SLC16A6: variants seen among roughly 807,000 people sequenced by gnomAD.
SLC16A6 encodes solute carrier family 16 member 6.
In SLC16A6, 15 loss-of-function variants were observed where a neutral mutation model predicts 33.8. The observed-to-expected ratio is 0.44, with a 90% CI of 0.30 to 0.68. SLC16A6 has a LOEUF of 0.68. SLC16A6 is among the 30% of genes least tolerant of loss of function. The pLI is 0.10. For missense variants in SLC16A6, 451 were observed against 661.5 expected (o/e 0.68, Z 3.49); for synonymous variants, 219 against 248.4 (o/e 0.88, Z 1.11).
chr17:68,269,363 C>T lies in SLC16A6; in HGVS notation c.1322-17G>A, dbSNP rs782565384. 2.8e-6 allele frequency: 3 copies of T among 1,053,282 alleles called. No individual in the cohort carries two copies. Among genetic ancestry groups the T allele is most frequent in the South Asian group, 1.6e-5 (1 of 60,924 alleles). The allele number at this position is 1,053,282 out of a possible 1,614,324, so 65.2% of individuals were successfully genotyped here. ...CCAACAAACCTGGAAGAGAGCATGG[C>T]GTCCGTTAACAGCATCCTTCCTAGA... On this transcript the variant is annotated splice_polypyrimidine_tract_variant and intron_variant, in intron 5 of 5. Transcript: ENST00000580666.
rs781954164 is a variant in SLC16A6 at position 68,271,694 on chromosome 17, A to G, written c.506-40T>C. On this transcript the variant is annotated intron_variant, in intron 4 of 5. Coordinates refer to ENST00000580666, the MANE Select transcript of SLC16A6 (RefSeq NM_004694.5). This position sits in a 1 kb window ranked among gnomAD's most constrained non-coding sequence, Gnocchi z 5.3. ...AGTGAAGAAGAAATAATATAAGGTC[A>G]ATAATGGACTCAAGACCCAGGAGAA... 7.2e-6 allele frequency: 11 copies of G among 1,527,864 alleles called. 1 individual carries two copies. In the South Asian group the frequency reaches 1.3e-4, roughly 18 times the overall value. 94.6% of individuals were successfully genotyped at this position (1,527,864 alleles called of 1,614,324 possible).
chr17:68,288,983 G>T (rs1555755004), intron 1 of SLC16A6, among the ~76,000 whole-genome samples: 1 of 152,174 alleles, frequency 6.6e-6, no homozygotes, highest in Non-Finnish European at 1.5e-5. Context: ...TCTGGAGGAA[G>T]TACAATGACA....
At position 68,272,701 on chromosome 17, in the gene SLC16A6, C is replaced by T. The variant is rs782295405; in HGVS notation, c.443G>A (p.Arg148His). Residue 148 changes from arginine to histidine, a missense_variant, in exon 4 of 6, where the codon CGT becomes CAT. By Grantham distance (29) the Arg-to-His change is conservative. Coordinates refer to ENST00000580666, the MANE Select transcript of SLC16A6 (RefSeq NM_004694.5). ...TILSQYFGKR[R>H]SIVTAVASTG... is the part of the protein sequence containing the mutation. ...GGAAGCAACTGCAGTGACTATGGAA[C>T]GTCTTTTGCCAAAATATTGTGATAG... The T allele has an allele frequency of 5.6e-6, 9 of 1,614,018 alleles. No individual in the cohort carries two copies. The highest frequency in any genetic ancestry group is 4.4e-5 in the South Asian group (4 of 91,088).
At chr17:68,276,507 G>A (rs1174531091) in intron 2 of SLC16A6, among the ~76,000 whole-genome samples, 1 of 151,830 alleles carries the variant, frequency 6.6e-6, no homozygotes, top group African/African-American at 2.4e-5. Flanking sequence ...GGAATGCAAT[G>A]GCATGATCAT....
intron 2 of SLC16A6, chr17:68,274,311 C>A: frequency 2.8e-6 from 1 of 351,518 alleles, no homozygotes; most frequent in East Asian, 4.9e-5. Flanking sequence ...ACAAAAAATA[C>A]AAAAATTAGC....
chr17:68,281,543 C>T (rs1278351413), intron 1 of SLC16A6, among the ~76,000 whole-genome samples: 1 of 152,124 alleles, frequency 6.6e-6, no homozygotes, highest in Admixed American at 6.6e-5. Context: ...CCACTGTACT[C>T]CAGCCTGGTG....
rs2075210266 is a variant in SLC16A6 at position 68,268,059 on chromosome 17, T to C, written c.*1037A>G. On this transcript the variant is annotated 3_prime_UTR_variant, in exon 6 of 6. Transcript: ENST00000580666. ...AGCTAAGGCGATTTGCAATCCATTA[T>C]TTTTTCCCCTTTAATAGCACACGTT... 6.6e-6 allele frequency: 1 copy of C among 152,246 alleles called. No individual in the cohort carries two copies. The highest frequency in any genetic ancestry group is 2.4e-5 in the African/African-American group (1 of 41,464). The allele number at this position is 152,246 out of a possible 1,614,324, so 9.4% of individuals were successfully genotyped here. A position where few individuals can be genotyped will look rare whatever the true frequency, so the allele number is the denominator to read the frequency against.
At chr17:68,283,148 G>T (rs1555753383) in intron 1 of SLC16A6, 1 of 151,804 alleles carries the variant, frequency 6.6e-6, no homozygotes, top group African/African-American at 2.4e-5. Context: ...TTTTTAAGTT[G>T]GCTGGCGTGG....
chr17:68,280,648 A>C (rs1415026495), intron 1 of SLC16A6, among the ~76,000 whole-genome samples: 1 of 152,252 alleles, frequency 6.6e-6, no homozygotes, highest in African/African-American at 2.4e-5. Context: ...AAAATGGATC[A>C]AAGACTTAAA....
At chr17:68,276,366 G>C (rs566485258) in intron 2 of SLC16A6, among the ~76,000 whole-genome samples, 1 of 152,288 alleles carries the variant, frequency 6.6e-6, no homozygotes, top group South Asian at 2.1e-4. Flanking sequence ...TTTAATTTCA[G>C]CAATAACTTC....
intron 1 of SLC16A6, among the ~76,000 whole-genome samples, chr17:68,278,668 G>T (rs1397149800): frequency 7.3e-6 from 1 of 137,404 alleles, no homozygotes; most frequent in Non-Finnish European, 1.5e-5. Flanking sequence ...TGCCCAGGCT[G>T]CAGTGTAGTT....
Position 68,284,527 on chromosome 17 carries a change from G to A in SLC16A6, c.-7-6200C>T, listed in dbSNP as rs1226176007. On this transcript the variant is annotated intron_variant, in intron 1 of 5. Transcript: ENST00000580666. ...CCTTTTCCTAGCCATAAGTTGTTGGGTCAAAGTTACTAAGGCAAAGGTTTT... is the reference window on the plus strand; with the variant it reads ...CCTTTTCCTAGCCATAAGTTGTTGGATCAAAGTTACTAAGGCAAAGGTTTT... Among the ~76,000 whole-genome samples, 4 of 152,256 alleles carry A rather than the reference G, an allele frequency of 2.6e-5. No homozygotes were observed. The East Asian group carries it at 7.7e-4, about 29-fold the overall frequency.
rs781883104 is a variant in SLC16A6, at chr17:68,271,662, AG to A, written c.506-9del. The A allele has an allele frequency of 5.0e-6, 8 of 1,606,266 alleles. No individual in the cohort carries two copies. The East Asian group carries it at 6.7e-5, about 13-fold the overall frequency. On this transcript the variant is annotated splice_polypyrimidine_tract_variant and intron_variant, in intron 4 of 5. Coordinates refer to ENST00000580666, the MANE Select transcript of SLC16A6 (RefSeq NM_004694.5). The surrounding 1 kb of genome is among the most constrained non-coding windows in gnomAD (Gnocchi z 5.3). ...CCTTCAGAGCCATGATTGCTTGAAT[AG>A]GCAGGAGTGAAGAAGAAATAATATA...
intron 2 of SLC16A6, among the ~76,000 whole-genome samples, chr17:68,275,623 C>T (rs2145018998): frequency 6.6e-6 from 1 of 152,170 alleles, no homozygotes; most frequent in Admixed American, 6.5e-5. Flanking sequence ...CCAAATGTAA[C>T]ATTTTAGTCC....
intron 2 of SLC16A6, among the ~76,000 whole-genome samples, chr17:68,275,299 G>A (rs1659499766): frequency 6.6e-6 from 1 of 152,130 alleles, no homozygotes; most frequent in South Asian, 2.1e-4. Flanking sequence ...TGAGAGTTGG[G>A]TCAAGGAACA....
At chr17:68,270,696 C>T in intron 5 of SLC16A6, 143 bp downstream of exon 5, 1 of 698,160 alleles carries the variant, frequency 1.4e-6, no homozygotes, top group East Asian at 2.7e-5. Flanking sequence ...AGGGCTGGCT[C>T]AGGTAATCTC....
intron 5 of SLC16A6, among the ~76,000 whole-genome samples, chr17:68,270,389 A>C (rs1294252412): frequency 6.6e-6 from 1 of 152,074 alleles, no homozygotes; most frequent in African/African-American, 2.4e-5. Flanking sequence ...CCCCATCTCT[A>C]CTAAAAATAC....
Position 68,271,395 on chromosome 17 carries a change from A to T in SLC16A6, c.765T>A (p.Thr255=), listed in dbSNP as rs781795998. The T allele has an allele frequency of 1.9e-6, 3 of 1,614,246 alleles. No homozygotes were observed. Among genetic ancestry groups the T allele is most frequent in the South Asian group, 2.2e-5 (2 of 91,090 alleles). Reference sequence around the variant, plus strand: ...CGGCCTTCGGCTCCAGTTCCAGGTTAGTGTGAGTAGGCACATTTTTAGGTG... The same window carrying T: ...CGGCCTTCGGCTCCAGTTCCAGGTTTGTGTGAGTAGGCACATTTTTAGGTG... ...TTSPKNVPTH[T]NLELEPKADM... The change falls in exon 5 of 6, where the codon ACT becomes ACA. Residue 255 remains threonine (T), a synonymous_variant. Coordinates refer to ENST00000580666, the MANE Select transcript of SLC16A6 (RefSeq NM_004694.5). The surrounding 1 kb of genome is among the most constrained non-coding windows in gnomAD (Gnocchi z 5.3).
chr17:68,285,190 A>G (rs1345804329), intron 1 of SLC16A6, among the ~76,000 whole-genome samples: 1 of 152,268 alleles, frequency 6.6e-6, no homozygotes, highest in Non-Finnish European at 1.5e-5. Context: ...AGGACTCAGT[A>G]GCTACTAAGA....
Sources: allele counts gnomAD v4.1 joint callset (sites outside exome capture counted in the v4.1 genomes callset), GRCh38; gene constraint gnomAD v4.1.1; non-coding constraint Gnocchi (gnomAD v3.1); transcripts MANE v1.5; gene names NCBI Gene and HGNC (gene_info 2026-07-23, HGNC 2026-07-21).